Variants in ATG7 observed in about 807,000 individuals in gnomAD.
ATG7 encodes the protein autophagy related 7.
Under a neutral mutation model 82.4 loss-of-function variants are expected in ATG7, and 70 were observed. The observed-to-expected ratio is 0.85, with a 90% CI of 0.70 to 1.04. The LOEUF (loss-of-function observed/expected upper bound fraction) is 1.04, where lower values mean the gene tolerates loss of function less well. Ranked by LOEUF, ATG7 falls within the 50% of genes least tolerant of loss-of-function variation. The probability of loss-of-function intolerance (pLI) is 0.00; values close to 1 mark genes in which losing one functional copy is unlikely to be tolerated. For synonymous variants in ATG7, 287 were observed against 313.0 expected (o/e 0.92, Z 0.88); for missense variants, 792 against 864.3 (o/e 0.92, Z 1.05).
At chr3:11,477,235 G>A (rs745819156) in intron 20 of ATG7, 140 of 1,281,884 alleles carry the variant, frequency 1.1e-4, no homozygotes, top group African/African-American at 1.4e-4. Flanking sequence ...TTTATTCCTC[G>A]CCCATCTGAT....
intron 20 of ATG7, among the ~76,000 whole-genome samples, chr3:11,434,064 G>A (rs2083151843): frequency 6.6e-6 from 1 of 152,124 alleles, no homozygotes; most frequent in Non-Finnish European, 1.5e-5. Context: ...GACTTCATTG[G>A]CACAGCAATT....
intron 19 of ATG7, among the ~76,000 whole-genome samples, chr3:11,389,421 GA>G (rs1376659998): frequency 5.8e-5 from 8 of 137,640 alleles, no homozygotes; most frequent in Admixed American, 2.2e-4. Flanking sequence ...CTTTCATTAT[GA>G]AAGTTTTGTT....
intron 4 of ATG7, 156 bp from the exon 5 acceptor site, chr3:11,299,206 T>G (rs1559348835): frequency 1.5e-6 from 1 of 656,344 alleles, no homozygotes; most frequent in Non-Finnish European, 2.6e-6. Context: ...GCCATTTATC[T>G]ATCCATACAT....
At chr3:11,347,631 G>A (rs556855523) in intron 13 of ATG7, among the ~76,000 whole-genome samples, 3 of 152,296 alleles carry the variant, frequency 2.0e-5, no homozygotes, top group Non-Finnish European at 4.4e-5. Context: ...TTATTAGTCT[G>A]TTCCACTTGA....
chr3:11,338,953 G>A (rs553974087), intron 11 of ATG7, among the ~76,000 whole-genome samples: 36 of 152,234 alleles, frequency 2.4e-4, no homozygotes, highest in African/African-American at 7.0e-4. Context: ...CCAAGGAAAG[G>A]AAAATTGTGA....
At chr3:11,535,634 A>G (rs781461524) in intron 20 of ATG7, among the ~76,000 whole-genome samples, 36 of 89,026 alleles carry the variant, frequency 4.0e-4, no homozygotes, top group Non-Finnish European at 6.2e-4. Context: ...GATGATTGAC[A>G]GATGAGGCAC....
chr3:11,496,117 C>T (rs903517046), intron 20 of ATG7, among the ~76,000 whole-genome samples: 6 of 152,086 alleles, frequency 3.9e-5, no homozygotes, highest in Non-Finnish European at 5.9e-5. Context: ...TAGCCCATTC[C>T]GTGAGAGGAA....
intron 20 of ATG7, among the ~76,000 whole-genome samples, chr3:11,546,851 T>G (rs1053425823): frequency 2.0e-5 from 3 of 152,222 alleles, no homozygotes; most frequent in African/African-American, 7.2e-5. Flanking sequence ...GGTGCTCAGG[T>G]CAGGCTGACC....
downstream of ATG7, among the ~76,000 whole-genome samples, chr3:11,561,507 C>A (rs1417309915): frequency 6.6e-6 from 1 of 152,144 alleles, no homozygotes; most frequent in Non-Finnish European, 1.5e-5. Flanking sequence ...GCAGGGTGGC[C>A]CGTGAGCCCT....
intron 16 of ATG7, among the ~76,000 whole-genome samples, chr3:11,361,213 G>A (rs1401443956): frequency 2.0e-5 from 3 of 151,932 alleles, no homozygotes; most frequent in Admixed American, 1.3e-4. Flanking sequence ...GGAGTGATGT[G>A]TAGGCTTGTC....
intron 9 of ATG7, among the ~76,000 whole-genome samples, chr3:11,330,576 C>G (rs1951504860): frequency 6.6e-6 from 1 of 152,118 alleles, no homozygotes; most frequent in Non-Finnish European, 1.5e-5. Context: ...TTTTCCCTGC[C>G]TGAGCCCTAG....
chr3:11,477,197 G>A, intron 20 of ATG7: 2 of 1,288,736 alleles, frequency 1.6e-6, no homozygotes, highest in Non-Finnish European at 2.0e-6. Flanking sequence ...ATGGACGGAA[G>A]AATCAAGCAC....
chr3:11,407,443 C>T (rs554320739), intron 19 of ATG7, among the ~76,000 whole-genome samples: 2 of 152,296 alleles, frequency 1.3e-5, no homozygotes, highest in South Asian at 4.1e-4. Flanking sequence ...GTGGATCTAT[C>T]ATTCTGAGGT....
intron 20 of ATG7, among the ~76,000 whole-genome samples, chr3:11,497,159 C>T (rs1447959898): frequency 6.6e-6 from 1 of 151,452 alleles, no homozygotes. Context: ...CCCCTAATGT[C>T]ATTTCTGATG....
At chr3:11,403,106 A>G (rs1251063676) in intron 19 of ATG7, among the ~76,000 whole-genome samples, 10 of 152,192 alleles carry the variant, frequency 6.6e-5, no homozygotes, top group African/African-American at 2.2e-4. Context: ...ATGGATCTAA[A>G]TTTGTGTTTC....
chr3:11,568,739 A>T, the ATG7 span: 2 of 1,532,234 alleles, frequency 1.3e-6, no homozygotes, highest in South Asian at 2.5e-5. This position sits in a 1 kb window ranked among gnomAD's most constrained non-coding sequence, Gnocchi z 5.9. Context: ...AGAAAACCGC[A>T]CGCATCCTGC....
chr3:11,304,983 C>G (rs183645837), intron 5 of ATG7, among the ~76,000 whole-genome samples: 1 of 152,026 alleles, frequency 6.6e-6, no homozygotes, highest in Non-Finnish European at 1.5e-5. Flanking sequence ...AAAAAGACAC[C>G]CTTAGCAATT....
intron 20 of ATG7, among the ~76,000 whole-genome samples, chr3:11,484,368 C>T (rs907834178): frequency 1.3e-5 from 2 of 151,908 alleles, no homozygotes; most frequent in Non-Finnish European, 2.9e-5. Flanking sequence ...TACTCTAGCC[C>T]GGATGACAGG....
chr3:11,562,908 G>A, the ATG7 span, among the ~76,000 whole-genome samples: 1 of 152,240 alleles, frequency 6.6e-6, no homozygotes, highest in Admixed American at 6.5e-5. Flanking sequence ...AAGCTGCTCA[G>A]GAGCCCCAAG....
Sources: allele counts gnomAD v4.1 joint callset (sites outside exome capture counted in the v4.1 genomes callset), GRCh38; gene constraint gnomAD v4.1.1; non-coding constraint Gnocchi (gnomAD v3.1); transcripts MANE v1.5; gene names NCBI Gene and HGNC (gene_info 2026-07-23, HGNC 2026-07-21).